Variants in FRAS1 observed in about 807,000 individuals in gnomAD.
FRAS1 encodes Fraser extracellular matrix complex subunit 1.
In FRAS1, 290 loss-of-function variants were observed where a neutral mutation model predicts 435.2. The ratio of observed to expected loss-of-function variants is 0.67; its 90% confidence interval spans 0.61 to 0.73. The LOEUF is 0.73. Among genes scored for constraint, FRAS1 ranks in the 30% least tolerant of loss-of-function variants. The pLI is 0.00. For synonymous variants in FRAS1, 1,800 were observed against 1,851.0 expected, an observed-to-expected ratio of 0.97 and a Z score of 0.71; for missense variants, 4,860 against 5,001.5, an observed-to-expected ratio of 0.97 and a Z score of 0.85.
At chr4:78,504,505 G>T (rs911458756) in intron 61 of FRAS1, among the ~76,000 whole-genome samples, 1 of 152,078 alleles carries the variant, frequency 6.6e-6, no homozygotes, top group African/African-American at 2.4e-5. Context: ...ATCTTTGTTG[G>T]TTTAAAATCT....
At chr4:78,223,633 A>T (rs1351152577) in intron 2 of FRAS1, among the ~76,000 whole-genome samples, 1 of 152,116 alleles carries the variant, frequency 6.6e-6, no homozygotes, top group African/African-American at 2.4e-5. Flanking sequence ...TCTCAGCTTA[A>T]CCCTGAGCCT....
At chr4:78,432,302 T>G in intron 37 of FRAS1, 55 bp from the exon 38 acceptor site, 2 of 1,510,506 alleles carry the variant, frequency 1.3e-6, no homozygotes, top group Non-Finnish European at 1.8e-6. Flanking sequence ...TGCTATATAA[T>G]GAAAAGCATT....
chr4:78,473,381 C>A, intron 52 of FRAS1, 57 bp from the exon 53 acceptor site: 1 of 1,426,500 alleles, frequency 7.0e-7, no homozygotes, highest in Non-Finnish European at 9.7e-7. Flanking sequence ...GTGTGGTAAT[C>A]TATGAAGCTG....
chr4:78,378,972 T>C (rs1731895072), intron 26 of FRAS1, among the ~76,000 whole-genome samples: 1 of 152,138 alleles, frequency 6.6e-6, no homozygotes, highest in South Asian at 2.1e-4. Context: ...ACTCCTATAT[T>C]TTCTTCTAAG....
Position 78,205,306 on chromosome 4 carries a change from A to G in FRAS1, c.109-32204A>G, listed in dbSNP as rs969610350. ...AGCTTGGAGTTCATAGGCTCAAGCA[A>G]TCCTCCTGCTTCAGCCTCCTGTGTA... On this transcript the variant is annotated intron_variant, in intron 2 of 73. Coordinates refer to ENST00000512123, the MANE Select transcript of FRAS1 (RefSeq NM_025074.7). 1.2e-3 allele frequency among the ~76,000 whole-genome samples: 178 copies of G among 151,844 alleles called. 2 individuals carry two copies. The highest frequency in any genetic ancestry group is 1.9e-4 in the East Asian group (1 of 5,150).
rs1408403818 is a variant in FRAS1 at position 78,317,494 on chromosome 4, A to G, written c.1946A>G (p.His649Arg). 3.1e-6 allele frequency: 5 copies of G among 1,613,516 alleles called. No individual in the cohort carries two copies. The highest frequency in any genetic ancestry group is 1.1e-5 in the South Asian group (1 of 91,004). ...TGTGGAGAGGGTTTCTACTCTGACCATGGAGTCTGCAAAGGTATCGTTGGT... is the reference window on the plus strand; with the variant it reads ...TGTGGAGAGGGTTTCTACTCTGACCGTGGAGTCTGCAAAGGTATCGTTGGT... ...PRCGEGFYSD[H>R]GVCKACHSSC... Residue 649 changes from histidine (H) to arginine (R), a missense_variant, in exon 17 of 74, where the codon CAT becomes CGT. Physicochemically the swap from His to Arg is conservative, Grantham distance 29 (BLOSUM62 0). Transcript: ENST00000512123.
chr4:78,129,240 T>G (rs974287710), intron 2 of FRAS1, among the ~76,000 whole-genome samples: 1 of 152,238 alleles, frequency 6.6e-6, no homozygotes, highest in African/African-American at 2.4e-5. Context: ...CGATGTGGGC[T>G]CTTTTTTGGT....
chr4:78,325,130 T>G (rs766586175), intron 18 of FRAS1, among the ~76,000 whole-genome samples: 7 of 152,180 alleles, frequency 4.6e-5, no homozygotes, highest in Non-Finnish European at 8.8e-5. Context: ...GTACTTAGAT[T>G]GGTGATGGAA....
intron 9 of FRAS1, among the ~76,000 whole-genome samples, chr4:78,272,029 T>G (rs575772203): frequency 6.6e-6 from 1 of 152,360 alleles, no homozygotes; most frequent in East Asian, 1.9e-4. Context: ...AGACGGTATC[T>G]CACTGTGGTT....
intron 2 of FRAS1, among the ~76,000 whole-genome samples, chr4:78,194,324 G>C (rs1578178132): frequency 6.6e-6 from 1 of 152,276 alleles, no homozygotes; most frequent in South Asian, 2.1e-4. Flanking sequence ...GGCCTGCCTT[G>C]CTAGATTGGG....
chr4:78,433,367 G>T (rs531516156), intron 38 of FRAS1, among the ~76,000 whole-genome samples: 1 of 152,282 alleles, frequency 6.6e-6, no homozygotes, highest in South Asian at 2.1e-4. Flanking sequence ...ACAATGCCTT[G>T]AAAGGAAGAA....
chr4:78,115,595 A>G (rs1460951216), intron 2 of FRAS1, among the ~76,000 whole-genome samples: 4 of 152,134 alleles, frequency 2.6e-5, no homozygotes, highest in Non-Finnish European at 4.4e-5. Flanking sequence ...CATTTCTTCT[A>G]GATTTTCTAG....
chr4:78,144,891 CTT>C (rs1472760427), intron 2 of FRAS1, among the ~76,000 whole-genome samples: 1 of 152,020 alleles, frequency 6.6e-6, no homozygotes, highest in African/African-American at 2.4e-5. Context: ...GTTTTTGTGA[CTT>C]TTTTGCAATT....
intron 22 of FRAS1, among the ~76,000 whole-genome samples, chr4:78,365,965 A>G (rs1194839324): frequency 9.0e-6 from 1 of 110,686 alleles, no homozygotes; most frequent in Non-Finnish European, 2.2e-5. Flanking sequence ...AGTCTGTCTC[A>G]GAAAAAAAAA....
Position 78,130,225 on chromosome 4 carries a change from C to T in FRAS1, c.108+64209C>T, listed in dbSNP as rs370032199. Among the ~76,000 whole-genome samples, 12 of 152,156 alleles carry T rather than the reference C, an allele frequency of 7.9e-5. No individual in the cohort carries two copies. The East Asian group carries it at 1.3e-3, about 17-fold the overall frequency. On this transcript the variant is annotated intron_variant, in intron 2 of 73. Coordinates refer to ENST00000512123, the MANE Select transcript of FRAS1 (RefSeq NM_025074.7). ...CTTCCGGTTTTAAGCTCCTTATTAA[C>T]GGTGATTTTTTAAAAATTATGTACT...
At chr4:78,198,492 G>A (rs531437016) in intron 2 of FRAS1, among the ~76,000 whole-genome samples, 160 of 152,196 alleles carry the variant, frequency 1.1e-3, no homozygotes, top group Non-Finnish European at 1.8e-3. Context: ...GAACCTAAAC[G>A]AAAAGAAAAA....
chr4:78,524,317 C>G (rs1721470497), intron 69 of FRAS1, among the ~76,000 whole-genome samples: 3 of 152,120 alleles, frequency 2.0e-5, no homozygotes, highest in African/African-American at 7.2e-5. Context: ...AGATAAATGG[C>G]AAAATGAAGA....
At chr4:78,324,433 A>C (rs1439155926) in intron 18 of FRAS1, among the ~76,000 whole-genome samples, 1 of 152,116 alleles carries the variant, frequency 6.6e-6, no homozygotes, top group East Asian at 1.9e-4. Flanking sequence ...ATCTTATGGC[A>C]TAAATTCTGA....
chr4:78,522,582 A>G lies in FRAS1; in HGVS notation c.10649-67A>G, dbSNP rs1721418737. The G allele has an allele frequency of 2.2e-6, 3 of 1,344,268 alleles. No individual in the cohort carries two copies. In the Admixed American group the frequency reaches 6.4e-5, roughly 29 times the overall value. 83.3% of individuals were successfully genotyped at this position (1,344,268 alleles called of 1,614,324 possible). ...AGTTCTCAGGCTTTTGTGGGGCTCT[A>G]CCAGGTACAGTCAAACTAAAGCTCT... On this transcript the variant is annotated intron_variant, in intron 68 of 73. Transcript: ENST00000512123.
Sources: allele counts gnomAD v4.1 joint callset (sites outside exome capture counted in the v4.1 genomes callset), GRCh38; gene constraint gnomAD v4.1.1; transcripts MANE v1.5; gene names NCBI Gene and HGNC (gene_info 2026-07-23, HGNC 2026-07-21).